MTAP: variants seen among roughly 807,000 people sequenced by gnomAD.
The protein encoded by MTAP is S-methyl-5'-thioadenosine phosphorylase.
A neutral mutation model predicts 33.6 loss-of-function variants in MTAP; 33 were observed. The observed-to-expected ratio is 0.98, with a 90% CI of 0.74 to 1.31. The LOEUF is 1.31. Among genes scored for constraint, MTAP ranks in the 40% most tolerant of loss-of-function variants. The pLI is 0.00. For missense variants in MTAP, 367 were observed against 360.0 expected (o/e 1.02, Z -0.16); for synonymous variants, 148 against 125.7 (o/e 1.18, Z -1.19).
intron 4 of MTAP, among the ~76,000 whole-genome samples, chr9:21,830,383 G>A (rs1398149668): frequency 2.0e-5 from 3 of 152,152 alleles, no homozygotes; most frequent in Non-Finnish European, 4.4e-5. Flanking sequence ...GGTTTCTTCA[G>A]TGCCTATGCC....
At chr9:21,928,949 C>T (rs1482458630) in intron 1 of MTAP, among the ~76,000 whole-genome samples, 7 of 151,804 alleles carry the variant, frequency 4.6e-5, no homozygotes, top group African/African-American at 7.3e-5. Flanking sequence ...CCAACAGACT[C>T]TCTGGGAATA....
At chr9:21,880,356 C>A (rs1817986065) in intron 1 of MTAP, among the ~76,000 whole-genome samples, 1 of 152,056 alleles carries the variant, frequency 6.6e-6, no homozygotes, top group African/African-American at 2.4e-5. Flanking sequence ...TATAGATAAT[C>A]CAGTTTATGG....
intron 1 of MTAP, among the ~76,000 whole-genome samples, chr9:21,897,449 T>C (rs1818315323): frequency 6.6e-6 from 1 of 152,210 alleles, no homozygotes; most frequent in Admixed American, 6.5e-5. Flanking sequence ...TTGTCCCTGT[T>C]TGCAGATGAC....
intron 6 of MTAP, 104 bp from the exon 7 acceptor site, chr9:21,859,199 A>G: frequency 1.4e-6 from 2 of 1,474,612 alleles, no homozygotes; most frequent in South Asian, 2.8e-5. Flanking sequence ...ATTTGAGGGG[A>G]CACAAACATT....
chr9:21,906,308 T>G (rs1818475865), intron 1 of MTAP, among the ~76,000 whole-genome samples: 1 of 152,002 alleles, frequency 6.6e-6, no homozygotes, highest in African/African-American at 2.4e-5. Flanking sequence ...AAAATATACT[T>G]TAGAAAACAA....
At chr9:21,925,765 C>G (rs1396330336) in intron 1 of MTAP, among the ~76,000 whole-genome samples, 2 of 152,094 alleles carry the variant, frequency 1.3e-5, no homozygotes, top group African/African-American at 4.8e-5. Context: ...TCCAGCAGCT[C>G]CTGGACTGAA....
At chr9:21,899,019 G>A (rs187512126) in intron 1 of MTAP, among the ~76,000 whole-genome samples, 2 of 152,156 alleles carry the variant, frequency 1.3e-5, no homozygotes, top group East Asian at 3.9e-4. Context: ...TAAAGAAAAT[G>A]TGGCACATAT....
intron 1 of MTAP, 100 bp from the exon 2 acceptor site, chr9:21,815,333 G>C: frequency 4.1e-6 from 3 of 723,536 alleles, no homozygotes; most frequent in Non-Finnish European, 6.6e-6. Context: ...GGGCTTGGCA[G>C]GAATGGAGAA....
At chr9:21,818,705 A>G (rs1308351757) in intron 4 of MTAP, among the ~76,000 whole-genome samples, 2 of 152,230 alleles carry the variant, frequency 1.3e-5, no homozygotes, top group African/African-American at 4.8e-5. Context: ...GTATAACATT[A>G]TATTTTGATA....
At chr9:21,829,409 C>G (rs963989068) in intron 4 of MTAP, among the ~76,000 whole-genome samples, 3 of 110,698 alleles carry the variant, frequency 2.7e-5, no homozygotes, top group African/African-American at 1.3e-4. Flanking sequence ...CTCTCTCATT[C>G]TTTTGTTGTT....
At chr9:21,859,282 C>G (rs1265403895) in intron 6 of MTAP, 21 bp from the exon 7 acceptor site, 25 of 1,597,068 alleles carry the variant, frequency 1.6e-5, no homozygotes, top group Non-Finnish European at 2.0e-5. Context: ...CTAGTAACCT[C>G]CAGTGCTATT....
intron 6 of MTAP, 140 bp downstream of exon 6, chr9:21,855,010 T>G: frequency 8.5e-7 from 1 of 1,178,454 alleles, no homozygotes; most frequent in Non-Finnish European, 1.2e-6. Context: ...TTTCTGTAGT[T>G]CCATTGGAAG....
rs567752938 is a variant in MTAP, at chr9:21,864,631, C to G, written c.*2617C>G. The G allele has an allele frequency of 5.1e-6, 5 of 985,542 alleles. No individual in the cohort carries two copies. Among genetic ancestry groups the G allele is most frequent in the South Asian group, 4.7e-5 (1 of 21,288 alleles). 61.0% of individuals were successfully genotyped at this position (985,542 alleles called of 1,614,324 possible). ...GTGACCTGGCCCCTGTTCACTGCCC[C>G]CTTCGCTAGCACGAGTTGCTGTGCA... On this transcript the variant is annotated 3_prime_UTR_variant, in exon 8 of 8. Transcript: ENST00000644715.
intron 1 of MTAP, among the ~76,000 whole-genome samples, chr9:21,923,233 C>T (rs1256685226): frequency 6.6e-6 from 1 of 152,214 alleles, no homozygotes; most frequent in Non-Finnish European, 1.5e-5. Flanking sequence ...CCCAGTTCTT[C>T]CAGCTCCTTA....
intron 1 of MTAP, among the ~76,000 whole-genome samples, chr9:21,875,143 T>C (rs765539537): frequency 1.2e-4 from 19 of 152,168 alleles, no homozygotes; most frequent in Admixed American, 6.5e-4. Context: ...AAACATAGTG[T>C]GCATGTGTCT....
chr9:21,902,330 CAG>C (rs1468390655), intron 1 of MTAP, among the ~76,000 whole-genome samples: 4 of 152,148 alleles, frequency 2.6e-5, no homozygotes, highest in East Asian at 1.9e-4. Context: ...GCATTTAGTT[CAG>C]AGTCTTAAGT....
intron 1 of MTAP, among the ~76,000 whole-genome samples, chr9:21,903,719 G>A (rs1323160216): frequency 6.6e-6 from 1 of 152,194 alleles, no homozygotes; most frequent in Admixed American, 6.5e-5. Flanking sequence ...GGCATGCGAT[G>A]AGGGAGTGGC....
chr9:21,818,155 G>A lies in MTAP; in HGVS notation c.300G>A (p.Glu100=), dbSNP rs762121645. ...CCACAGCTTGTGGCTCCTTGAGGGA[G>A]GAGATTCAGCCCGGCGATATTGTCA... ...IVTTACGSLR[E]EIQPGDIVII... The change falls in exon 4 of 8, where the codon GAG becomes GAA. Residue 100 remains glutamate (E), a synonymous_variant. Transcript: ENST00000644715. The A allele has an allele frequency of 4.3e-6, 7 of 1,613,766 alleles. No homozygotes were observed. The East Asian group carries it at 1.1e-4, about 26-fold the overall frequency.
chr9:21,875,811 G>A (rs544511511), intron 1 of MTAP, among the ~76,000 whole-genome samples: 1 of 152,226 alleles, frequency 6.6e-6, no homozygotes, highest in East Asian at 1.9e-4. Context: ...CATTTAGGTT[G>A]ATTCCATGTC....
Sources: gnomAD v4.1 joint callset for allele counts (sites outside exome capture counted in the v4.1 genomes callset) on GRCh38, gnomAD v4.1.1 for gene constraint, MANE v1.5 for transcripts, NCBI Gene and HGNC (gene_info 2026-07-23, HGNC 2026-07-21) for gene names.